Variants in MAML2 observed in about 807,000 individuals in gnomAD.
The protein encoded by MAML2 is mastermind-like protein 2.
Under a neutral mutation model 96.1 loss-of-function variants are expected in MAML2, and 22 were observed. The ratio of observed to expected loss-of-function variants is 0.23; its 90% CI spans 0.16 to 0.33. The LOEUF (loss-of-function observed/expected upper bound fraction) is 0.33, where lower values mean the gene tolerates loss of function less well. MAML2 is among the 10% of genes least tolerant of loss of function. MAML2 has a pLI of 1.00. For missense variants in MAML2, 1,367 were observed against 1,392.4 expected, an observed-to-expected ratio of 0.98 and a Z score of 0.29; for synonymous variants, 561 against 521.3, an observed-to-expected ratio of 1.08 and a Z score of -1.04.
At chr11:96,053,079 T>G (rs974391145) in intron 2 of MAML2, among the ~76,000 whole-genome samples, 2 of 152,234 alleles carry the variant, frequency 1.3e-5, no homozygotes, top group Non-Finnish European at 2.9e-5. Flanking sequence ...GTACTAAGTT[T>G]GGGGAACAGA....
chr11:96,057,749 G>A (rs777359236), intron 2 of MAML2, among the ~76,000 whole-genome samples: 28 of 152,170 alleles, frequency 1.8e-4, no homozygotes, highest in Non-Finnish European at 2.6e-4. Context: ...CAAAACTTCT[G>A]AACAGAAATC....
chr11:96,071,031 C>T (rs1199811685), intron 2 of MAML2, among the ~76,000 whole-genome samples: 1 of 152,214 alleles, frequency 6.6e-6, no homozygotes. Flanking sequence ...AATAGATGAG[C>T]CTTCCCTCTA....
intron 1 of MAML2, among the ~76,000 whole-genome samples, chr11:96,159,403 G>A (rs1368832740): frequency 1.7e-5 from 1 of 58,484 alleles, no homozygotes; most frequent in Non-Finnish European, 3.4e-5. Context: ...CTAAACCACT[G>A]ATTCTTTTTT....
At chr11:96,201,897 C>T (rs528704727) in intron 1 of MAML2, among the ~76,000 whole-genome samples, 14 of 147,640 alleles carry the variant, frequency 9.5e-5, no homozygotes, top group East Asian at 4.1e-4. Context: ...CCAGCCTGAG[C>T]GACAGAGAGA....
At position 96,342,350 on chromosome 11, in the gene MAML2, C is replaced by T. The variant is rs1864010127; in HGVS notation, c.-455G>A. The T allele has an allele frequency of 2.5e-6, 1 of 400,046 alleles. No homozygotes were observed. Among genetic ancestry groups the T allele is most frequent in the East Asian group, 3.6e-5 (1 of 28,092 alleles). 24.8% of individuals were successfully genotyped at this position (400,046 alleles called of 1,614,324 possible). A position where few individuals can be genotyped will look rare whatever the true frequency, so the allele number is the denominator to read the frequency against. ...ATTAATAGAGAGGACTCCCCCTCAC[C>T]TAGTTGTTTCCGACAATTCTTTATG... On this transcript the variant is annotated 5_prime_UTR_variant, in exon 1 of 5. Transcript: ENST00000524717.
chr11:96,249,728 A>G (rs1192990636), intron 1 of MAML2, among the ~76,000 whole-genome samples: 1 of 152,146 alleles, frequency 6.6e-6, no homozygotes, highest in Non-Finnish European at 1.5e-5. Flanking sequence ...GCTTGCTAGT[A>G]GCTAGTAACT....
chr11:96,158,424 A>T (rs1649556374), intron 1 of MAML2, among the ~76,000 whole-genome samples: 1 of 152,208 alleles, frequency 6.6e-6, no homozygotes, highest in Admixed American at 6.5e-5. Flanking sequence ...GCACAGGGGA[A>T]GTCCAGAGTG....
chr11:96,178,912 T>A (rs16923181), intron 1 of MAML2, among the ~76,000 whole-genome samples: 2,710 of 152,310 alleles, frequency 0.018, 92 homozygotes, highest in African/African-American at 0.061. Context: ...TGCAGAATTC[T>A]AATTTTGACC....
intron 2 of MAML2, among the ~76,000 whole-genome samples, chr11:96,077,452 C>T (rs1224882135): frequency 6.6e-6 from 1 of 151,996 alleles, no homozygotes; most frequent in African/African-American, 2.4e-5. Flanking sequence ...AACTCCTGAC[C>T]TCAAGTCATC....
chr11:96,315,234 G>A (rs1863612968), intron 1 of MAML2, among the ~76,000 whole-genome samples: 2 of 151,546 alleles, frequency 1.3e-5, no homozygotes, highest in South Asian at 2.1e-4. Flanking sequence ...TTGAAAAAAT[G>A]AGGACAAAAC....
chr11:96,300,840 A>G (rs11021526), intron 1 of MAML2, among the ~76,000 whole-genome samples: 11,168 of 152,170 alleles, frequency 0.073, 693 homozygotes, highest in South Asian at 0.18. Context: ...GGTACCATAG[A>G]GTTGTATTAA....
At chr11:96,291,102 G>C (rs1477915770) in intron 1 of MAML2, among the ~76,000 whole-genome samples, 1 of 107,366 alleles carries the variant, frequency 9.3e-6, no homozygotes, top group African/African-American at 3.5e-5. Flanking sequence ...ATCTGTGTTA[G>C]TTTTTCACAA....
chr11:96,161,624 A>C (rs1861105282), intron 1 of MAML2, among the ~76,000 whole-genome samples: 1 of 152,210 alleles, frequency 6.6e-6, no homozygotes, highest in Non-Finnish European at 1.5e-5. Flanking sequence ...AGGCAATAAA[A>C]ACATGATCTC....
intron 1 of MAML2, among the ~76,000 whole-genome samples, chr11:96,273,022 A>C (rs1452782869): frequency 6.6e-6 from 1 of 152,196 alleles, no homozygotes; most frequent in Non-Finnish European, 1.5e-5. Context: ...AGCCCCTACT[A>C]TATGTGTTTC....
chr11:96,136,351 GA>G (rs561844623), intron 1 of MAML2, among the ~76,000 whole-genome samples: 144 of 151,078 alleles, frequency 9.5e-4, no homozygotes, highest in African/African-American at 3.3e-3. Context: ...CATATGAGTT[GA>G]AGTCAATTAA....
intron 2 of MAML2, among the ~76,000 whole-genome samples, chr11:96,039,396 C>A: frequency 1.7e-5 from 2 of 118,240 alleles, no homozygotes; most frequent in South Asian, 2.7e-4. Flanking sequence ...GGAGAGGAGA[C>A]AGGAGAGGGG....
rs1692215929 is a variant in MAML2 at position 95,979,284 on chromosome 11, C to A, written c.3135G>T (p.Arg1045Ser). ...GCTGATTGGGTCTGAGATTCAGACC[C>A]CTGAGGGGACCCATGGTTTGCCCAT... ...TLNGQTMGPL[R>S]GLNLRPNQLS... The change falls in exon 5 of 5, where the codon AGG becomes AGT. Residue 1045 changes from arginine (R) to serine (S), a missense_variant. Physicochemically the swap from Arg to Ser is moderately radical, Grantham distance 110. Transcript: ENST00000524717. 3.1e-6 allele frequency: 5 copies of A among 1,613,756 alleles called. No individual in the cohort carries two copies. Among genetic ancestry groups the A allele is most frequent in the Non-Finnish European group, 4.2e-6 (5 of 1,179,866 alleles).
At chr11:96,284,199 G>A (rs1863108856) in intron 1 of MAML2, among the ~76,000 whole-genome samples, 1 of 152,136 alleles carries the variant, frequency 6.6e-6, no homozygotes. Flanking sequence ...CAATTTGTCT[G>A]TTTAGCAAGA....
intron 1 of MAML2, among the ~76,000 whole-genome samples, chr11:96,326,294 T>G (rs1863778002): frequency 6.6e-6 from 1 of 151,992 alleles, no homozygotes; most frequent in Non-Finnish European, 1.5e-5. Context: ...TTTAAGAGAT[T>G]ATCTAGTCCA....
Sources: gnomAD v4.1 joint callset for allele counts (sites outside exome capture counted in the v4.1 genomes callset) on GRCh38, gnomAD v4.1.1 for gene constraint, MANE v1.5 for transcripts, NCBI Gene and HGNC (gene_info 2026-07-23, HGNC 2026-07-21) for gene names.